The following SRPK2 variants were observed in gnomAD, a reference collection of about 807,000 sequenced individuals.
SRPK2 encodes SFRS protein kinase 2.
In SRPK2, 21 loss-of-function variants were observed where a neutral mutation model predicts 90.8. The observed-to-expected ratio is 0.23, with a 90% confidence interval of 0.16 to 0.33. The LOEUF (loss-of-function observed/expected upper bound fraction) is 0.33, where lower values mean the gene tolerates loss of function less well. Among genes scored for constraint, SRPK2 ranks in the 10% least tolerant of loss-of-function variants. The pLI, the probability that SRPK2 is intolerant of heterozygous loss-of-function variation, is 1.00. For synonymous variants in SRPK2, 288 were observed against 311.1 expected (o/e 0.93, Z 0.78); for missense variants, 620 against 869.0 (o/e 0.71, Z 3.60).
chr7:105,283,998 AAAAC>A (rs546881035), intron 2 of SRPK2, among the ~76,000 whole-genome samples: 12 of 152,268 alleles, frequency 7.9e-5, no homozygotes, highest in South Asian at 2.1e-4. Flanking sequence ...ACCCTGTCTC[AAAAC>A]AAACAAACAA....
chr7:105,203,869 G>GA (rs1795871753), intron 2 of SRPK2, 84 bp from the exon 3 acceptor site: 2 of 1,469,536 alleles, frequency 1.4e-6, no homozygotes, highest in Non-Finnish European at 1.8e-6. Flanking sequence ...TAATATGGGG[G>GA]AAAAAATAAA....
intron 3 of SRPK2, among the ~76,000 whole-genome samples, chr7:105,188,261 G>A (rs1327550743): frequency 3.3e-5 from 5 of 152,164 alleles, no homozygotes; most frequent in Admixed American, 3.3e-4. Flanking sequence ...GTGATGTATT[G>A]TGTTTGTTTA....
rs527870780 is a variant in SRPK2, at chr7:105,293,332, C to CA, written c.72-89548dup. The stretch of plus-strand genomic sequence containing the variant: ...GCCAGGCTCCTTTATATGATGGTTA[C>CA]AACACTAACTGTTGCTTTGTATTAT... On this transcript the variant is annotated intron_variant, in intron 2 of 15. Coordinates refer to ENST00000393651, the MANE Select transcript of SRPK2 (RefSeq NM_182692.3). Among the ~76,000 whole-genome samples, 24 of 151,994 alleles carry CA rather than the reference C, an allele frequency of 1.6e-4. No individual in the cohort carries two copies. The South Asian group carries it at 5.0e-3, about 32-fold the overall frequency.
At chr7:105,201,647 A>AAC (rs1371955392) in intron 3 of SRPK2, among the ~76,000 whole-genome samples, 1 of 151,598 alleles carries the variant, frequency 6.6e-6, no homozygotes, top group Non-Finnish European at 1.5e-5. Context: ...AAAAAAAAAA[A>AAC]AACTTTTCAT....
chr7:105,347,439 T>C (rs2131994416), intron 2 of SRPK2, among the ~76,000 whole-genome samples: 2 of 152,044 alleles, frequency 1.3e-5, no homozygotes, highest in Middle Eastern at 6.8e-3. Context: ...TCCTCCCACC[T>C]CACCCTCTCA....
In SRPK2 at chr7:105,360,551, G is replaced by A. The variant is rs192323815; in HGVS notation, c.71+28097C>T. Among the ~76,000 whole-genome samples, 11 of 152,244 alleles carry A rather than the reference G, an allele frequency of 7.2e-5. No individual in the cohort carries two copies. In the East Asian group the frequency reaches 1.9e-3, roughly 27 times the overall value. On this transcript the variant is annotated intron_variant, in intron 2 of 15. Transcript: ENST00000393651. ...TTTAGTGCTTCCTTCAGGAGCTCTTGTAAGGCAGGCCTGGTGGTGACAAAA... is the reference window on the plus strand; with the variant it reads ...TTTAGTGCTTCCTTCAGGAGCTCTTATAAGGCAGGCCTGGTGGTGACAAAA...
intron 2 of SRPK2, among the ~76,000 whole-genome samples, chr7:105,261,022 TAA>T (rs72277307): frequency 0.037 from 4,280 of 116,008 alleles, 200 homozygotes; most frequent in African/African-American, 0.11. Context: ...CCCTAGAAAT[TAA>T]AAAAAAAAAA....
At chr7:105,181,070 A>G (rs1792721554) in intron 3 of SRPK2, among the ~76,000 whole-genome samples, 1 of 152,154 alleles carries the variant, frequency 6.6e-6, no homozygotes, top group African/African-American at 2.4e-5. Flanking sequence ...ACATGAATAG[A>G]CATTTTCAAA....
At chr7:105,353,483 G>A (rs759924674) in intron 2 of SRPK2, among the ~76,000 whole-genome samples, 10 of 151,236 alleles carry the variant, frequency 6.6e-5, no homozygotes, top group Admixed American at 1.3e-4. Flanking sequence ...GGGATTACAG[G>A]AGCGTGCCAT....
chr7:105,115,897 C>T (rs1143), downstream of SRPK2, among the ~76,000 whole-genome samples: 101,961 of 151,814 alleles, frequency 0.67, 34,552 homozygotes, highest in South Asian at 0.71. Context: ...TCACGGATAG[C>T]ATCACCAGTC....
At chr7:105,325,909 C>T (rs535323244) in intron 2 of SRPK2, among the ~76,000 whole-genome samples, 13 of 152,156 alleles carry the variant, frequency 8.5e-5, no homozygotes, top group Non-Finnish European at 1.5e-5. Context: ...TGTGGGACTA[C>T]GACTGAAGGC....
chr7:105,384,349 T>C (rs1821291510), intron 2 of SRPK2, among the ~76,000 whole-genome samples: 1 of 152,188 alleles, frequency 6.6e-6, no homozygotes, highest in Non-Finnish European at 1.5e-5. Context: ...GATTAAAATT[T>C]TGACCCACTA....
chr7:105,376,778 T>A (rs1820351769), intron 2 of SRPK2, among the ~76,000 whole-genome samples: 3 of 151,260 alleles, frequency 2.0e-5, no homozygotes, highest in Non-Finnish European at 2.9e-5. Flanking sequence ...CCTCAGGAGA[T>A]CCACCCACCT....
At chr7:105,216,464 C>G (rs1473525631) in intron 2 of SRPK2, among the ~76,000 whole-genome samples, 2 of 151,964 alleles carry the variant, frequency 1.3e-5, no homozygotes, top group African/African-American at 2.4e-5. Context: ...CCAGTCTGGC[C>G]AATATGGTGA....
intron 11 of SRPK2, 101 bp from the exon 12 acceptor site, chr7:105,133,205 T>G: frequency 9.5e-7 from 1 of 1,053,028 alleles, no homozygotes; most frequent in South Asian, 1.3e-5. Flanking sequence ...TCAAGAGTAG[T>G]GGAATGATCA....
chr7:105,176,895 A>G (rs1792026520), intron 3 of SRPK2, among the ~76,000 whole-genome samples: 1 of 152,090 alleles, frequency 6.6e-6, no homozygotes, highest in Non-Finnish European at 1.5e-5. Context: ...CCGGCCTCCC[A>G]AAGTGCTGGG....
chr7:105,210,449 T>A (rs190651673), intron 2 of SRPK2, among the ~76,000 whole-genome samples: 1 of 152,198 alleles, frequency 6.6e-6, no homozygotes, highest in Non-Finnish European at 1.5e-5. Context: ...TAATTAATAG[T>A]AGAATCGGTC....
At chr7:105,260,997 C>T (rs1449066744) in intron 2 of SRPK2, among the ~76,000 whole-genome samples, 2 of 119,352 alleles carry the variant, frequency 1.7e-5, no homozygotes, top group East Asian at 5.1e-4. Flanking sequence ...CAAACCTGCA[C>T]ATTGTGCATA....
At chr7:105,179,813 A>C in intron 3 of SRPK2, among the ~76,000 whole-genome samples, 1 of 139,094 alleles carries the variant, frequency 7.2e-6, no homozygotes, top group East Asian at 2.0e-4. Context: ...CAACACAGTA[A>C]GAGTCCATCT....
Sources: gnomAD v4.1 joint callset for allele counts (sites outside exome capture counted in the v4.1 genomes callset) on GRCh38, gnomAD v4.1.1 for gene constraint, MANE v1.5 for transcripts, NCBI Gene and HGNC (gene_info 2026-07-23, HGNC 2026-07-21) for gene names.